ASTN2: variants seen among roughly 807,000 people sequenced by gnomAD.
ASTN2 encodes the protein astrotactin 2.
In ASTN2, 54 loss-of-function variants were observed where a neutral mutation model predicts 139.8. The observed-to-expected ratio is 0.39, with a 90% CI of 0.31 to 0.48. The LOEUF (loss-of-function observed/expected upper bound fraction) is 0.48, where lower values mean the gene tolerates loss of function less well. Ranked by LOEUF, ASTN2 falls within the 20% of genes least tolerant of loss-of-function variation. The pLI is 0.95. For missense variants in ASTN2, 1,565 were observed against 1,725.1 expected (o/e 0.91, Z 1.64); for synonymous variants, 756 against 719.5 (o/e 1.05, Z -0.81).
intron 19 of ASTN2, among the ~76,000 whole-genome samples, chr9:116,543,060 A>G (rs1178578036): frequency 1.3e-5 from 2 of 152,082 alleles, no homozygotes; most frequent in Non-Finnish European, 2.9e-5. Context: ...AATTGATTAT[A>G]ACCTCTACTA....
chr9:116,649,693 A>C (rs939600037), intron 17 of ASTN2, among the ~76,000 whole-genome samples: 2 of 151,984 alleles, frequency 1.3e-5, no homozygotes, highest in East Asian at 3.9e-4. Context: ...TATTCTATTG[A>C]ATATATATCC....
intron 2 of ASTN2, among the ~76,000 whole-genome samples, chr9:117,267,168 G>T (rs1833955989): frequency 6.6e-6 from 1 of 152,106 alleles, no homozygotes. Context: ...ATAAAAATCA[G>T]ACAAACCCAT....
intron 5 of ASTN2, among the ~76,000 whole-genome samples, chr9:117,086,371 G>A (rs1469526735): frequency 6.6e-6 from 1 of 152,028 alleles, no homozygotes; most frequent in Non-Finnish European, 1.5e-5. Flanking sequence ...TCATGAAATC[G>A]AGACCATCCT....
At chr9:117,036,879 C>T (rs1310478108) in intron 6 of ASTN2, among the ~76,000 whole-genome samples, 1 of 152,112 alleles carries the variant, frequency 6.6e-6, no homozygotes, top group Non-Finnish European at 1.5e-5. Context: ...TCACAACAGT[C>T]CTTTCGGCAT....
chr9:116,490,554 T>A (rs1407960586), intron 19 of ASTN2, among the ~76,000 whole-genome samples: 3 of 152,204 alleles, frequency 2.0e-5, no homozygotes, highest in Admixed American at 1.3e-4. Context: ...TGAGACTGGG[T>A]AACTCATAAA....
intron 17 of ASTN2, among the ~76,000 whole-genome samples, chr9:116,648,844 G>C (rs1195286292): frequency 3.3e-5 from 5 of 151,916 alleles, no homozygotes; most frequent in Admixed American, 6.5e-5. Context: ...GACCAGCCTG[G>C]CCAACATGTT....
chr9:116,619,493 CT>C, intron 18 of ASTN2, among the ~76,000 whole-genome samples: 1 of 151,938 alleles, frequency 6.6e-6, no homozygotes, highest in South Asian at 2.1e-4. Context: ...CCTAATAGCA[CT>C]TCTTTGTTTC....
chr9:116,810,597 G>T (rs1465918), intron 12 of ASTN2, among the ~76,000 whole-genome samples: 130,741 of 152,216 alleles, frequency 0.86, 56,314 homozygotes, highest in East Asian at 0.99. Flanking sequence ...CTGATTTTTC[G>T]AAGTTGATGT....
intron 16 of ASTN2, among the ~76,000 whole-genome samples, chr9:116,692,919 C>T (rs762840200): frequency 6.6e-6 from 1 of 152,074 alleles, no homozygotes; most frequent in African/African-American, 2.4e-5. Flanking sequence ...TACAGCAGCT[C>T]ATTTTCTGGG....
chr9:117,120,082 T>C (rs1375565826), intron 4 of ASTN2, among the ~76,000 whole-genome samples: 1 of 137,814 alleles, frequency 7.3e-6, no homozygotes, highest in Non-Finnish European at 1.5e-5. Context: ...GATTATGTAA[T>C]TGTGAAATGC....
At chr9:116,734,107 A>G (rs1405558875) in intron 13 of ASTN2, among the ~76,000 whole-genome samples, 1 of 152,016 alleles carries the variant, frequency 6.6e-6, no homozygotes, top group Non-Finnish European at 1.5e-5. Flanking sequence ...CCTTTTACAG[A>G]TGGGGAAACT....
At chr9:116,891,537 G>T (rs1239633064) in intron 10 of ASTN2, among the ~76,000 whole-genome samples, 2 of 152,166 alleles carry the variant, frequency 1.3e-5, no homozygotes, top group African/African-American at 4.8e-5. Context: ...GAGGAAATGG[G>T]GGCCTAAAGA....
intron 16 of ASTN2, among the ~76,000 whole-genome samples, chr9:116,693,949 T>G (rs1419437451): frequency 6.6e-6 from 1 of 152,148 alleles, no homozygotes; most frequent in Non-Finnish European, 1.5e-5. Context: ...CACAAAGCAG[T>G]GTTTTCAAGT....
chr9:116,761,984 G>A (rs915866462), intron 13 of ASTN2, among the ~76,000 whole-genome samples: 1 of 152,184 alleles, frequency 6.6e-6, no homozygotes, highest in African/African-American at 2.4e-5. Context: ...ATGTGGACAT[G>A]CAGCTTTGCC....
chr9:117,263,425 TA>T (rs374551594), intron 2 of ASTN2, among the ~76,000 whole-genome samples: 2 of 152,200 alleles, frequency 1.3e-5, no homozygotes, highest in Non-Finnish European at 2.9e-5. Context: ...GCAAATTCTT[TA>T]AAAAAATCCT....
At chr9:116,885,326 C>T (rs1048807627) in intron 10 of ASTN2, among the ~76,000 whole-genome samples, 1 of 152,056 alleles carries the variant, frequency 6.6e-6, no homozygotes, top group Non-Finnish European at 1.5e-5. Context: ...ATTAAAGGTA[C>T]CCCATGAATA....
intron 5 of ASTN2, among the ~76,000 whole-genome samples, chr9:117,068,155 A>G (rs1301506243): frequency 6.4e-4 from 34 of 53,306 alleles, no homozygotes; most frequent in African/African-American, 2.1e-3. Flanking sequence ...TGTCATAGAT[A>G]GCTCTTATTA....
At chr9:116,486,076 T>C (rs1849328954) in intron 20 of ASTN2, among the ~76,000 whole-genome samples, 1 of 152,236 alleles carries the variant, frequency 6.6e-6, no homozygotes, top group South Asian at 2.1e-4. Flanking sequence ...TATTATTTGT[T>C]TTACAAAGGC....
intron 10 of ASTN2, among the ~76,000 whole-genome samples, chr9:116,937,720 A>T (rs143362963): frequency 3.0e-4 from 46 of 152,254 alleles, no homozygotes; most frequent in African/African-American, 8.9e-4. Context: ...AATTGAAATT[A>T]AAAAAAATCA....
Sources: allele counts gnomAD v4.1 joint callset (sites outside exome capture counted in the v4.1 genomes callset), GRCh38; gene constraint gnomAD v4.1.1; transcripts MANE v1.5; gene names NCBI Gene and HGNC (gene_info 2026-07-23, HGNC 2026-07-21).